CNTNAP2: variants seen among roughly 807,000 people sequenced by gnomAD.
The protein encoded by CNTNAP2 is contactin associated protein 2.
In CNTNAP2, 98 loss-of-function variants were observed where a neutral mutation model predicts 155.2. That is an observed-to-expected ratio of 0.63 (90% CI 0.54 to 0.75). The LOEUF is 0.75. Ranked by LOEUF, CNTNAP2 falls within the 30% of genes least tolerant of loss-of-function variation. CNTNAP2 has a pLI of 0.00. For missense variants in CNTNAP2, 1,727 were observed against 1,688.1 expected, an observed-to-expected ratio of 1.02 and a Z score of -0.40; for synonymous variants, 651 against 631.2, an observed-to-expected ratio of 1.03 and a Z score of -0.47.
At chr7:148,065,970 T>G (rs1452659014) in intron 15 of CNTNAP2, among the ~76,000 whole-genome samples, 1 of 152,238 alleles carries the variant, frequency 6.6e-6, no homozygotes, top group Non-Finnish European at 1.5e-5. Flanking sequence ...ATTCTTGTAG[T>G]GCTGGCTTTG....
chr7:146,922,861 A>T (rs1796532685), intron 3 of CNTNAP2, among the ~76,000 whole-genome samples: 2 of 152,212 alleles, frequency 1.3e-5, no homozygotes, highest in South Asian at 4.1e-4. Flanking sequence ...ATTAAAATAT[A>T]TCTAATATTT....
At chr7:146,521,659 T>A (rs1797618647) in intron 1 of CNTNAP2, among the ~76,000 whole-genome samples, 1 of 151,998 alleles carries the variant, frequency 6.6e-6, no homozygotes, top group African/African-American at 2.4e-5. Context: ...ATCAGACCTT[T>A]TTGAAGCATT....
At chr7:147,888,302 T>C (rs1245802456) in intron 13 of CNTNAP2, among the ~76,000 whole-genome samples, 2 of 152,046 alleles carry the variant, frequency 1.3e-5, no homozygotes, top group Non-Finnish European at 2.9e-5. Context: ...AAAAACATAA[T>C]AGATAAAATT....
chr7:147,450,137 G>A (rs1797806142), intron 10 of CNTNAP2, among the ~76,000 whole-genome samples: 1 of 152,190 alleles, frequency 6.6e-6, no homozygotes, highest in Non-Finnish European at 1.5e-5. Flanking sequence ...TCAGCCGAAT[G>A]TAATCACATC....
intron 6 of CNTNAP2, among the ~76,000 whole-genome samples, chr7:147,126,388 C>T (rs989971175): frequency 6.6e-6 from 1 of 152,088 alleles, no homozygotes; most frequent in Non-Finnish European, 1.5e-5. Context: ...ACAACTGCAA[C>T]AATATTTGTT....
chr7:147,590,630 G>A (rs2116843069), intron 12 of CNTNAP2, among the ~76,000 whole-genome samples: 1 of 152,206 alleles, frequency 6.6e-6, no homozygotes, highest in South Asian at 2.1e-4. Context: ...CAAATACTGA[G>A]GATTCTGTCC....
intron 15 of CNTNAP2, among the ~76,000 whole-genome samples, chr7:148,004,614 A>T (rs993595484): frequency 6.6e-6 from 1 of 152,170 alleles, no homozygotes; most frequent in Non-Finnish European, 1.5e-5. Context: ...GTAAGTTCTC[A>T]TAAGACAACA....
intron 23 of CNTNAP2, among the ~76,000 whole-genome samples, chr7:148,414,560 C>T (rs979600464): frequency 6.1e-5 from 6 of 97,722 alleles, no homozygotes; most frequent in African/African-American, 2.6e-4. Context: ...CTCATCTGCT[C>T]ATTCCATGCT....
At chr7:147,850,681 C>T (rs1798919426) in intron 13 of CNTNAP2, among the ~76,000 whole-genome samples, 1 of 152,194 alleles carries the variant, frequency 6.6e-6, no homozygotes, top group Admixed American at 6.5e-5. Flanking sequence ...AAAAGATTCC[C>T]TGTTTAATAA....
intron 3 of CNTNAP2, among the ~76,000 whole-genome samples, chr7:146,840,325 A>G (rs541609604): frequency 6.6e-6 from 1 of 152,348 alleles, no homozygotes; most frequent in South Asian, 2.1e-4. Flanking sequence ...GAACTTGTCC[A>G]TTTTATAATA....
rs1795737564 is a variant in CNTNAP2 at position 146,403,060 on chromosome 7, A to T, written c.97+286087A>T. 1.3e-5 allele frequency among the ~76,000 whole-genome samples: 2 copies of T among 152,260 alleles called. 1 individual carries two copies. The highest frequency in any genetic ancestry group is 4.8e-5 in the African/African-American group (2 of 41,578). ...GAAGTTATTCATACAAAATGTTGAG[A>T]TTTTAATGAATTCTAATTGATACTC... On this transcript the variant is annotated intron_variant, in intron 1 of 23. Transcript: ENST00000361727.
At chr7:148,069,014 C>G (rs930117002) in intron 15 of CNTNAP2, among the ~76,000 whole-genome samples, 2 of 152,212 alleles carry the variant, frequency 1.3e-5, no homozygotes, top group Non-Finnish European at 2.9e-5. Context: ...AGTTTCCCTT[C>G]CCTGCACTGA....
Position 147,224,027 on chromosome 7 carries a change from C to T in CNTNAP2, c.1349-76114C>T, listed in dbSNP as rs114475482. Among the ~76,000 whole-genome samples the T allele has an allele frequency of 3.6e-3, 362 of 101,648 alleles. 2 individuals carry two copies. Among genetic ancestry groups the T allele is most frequent in the African/African-American group, 0.016 (351 of 21,370 alleles). 66.7% of individuals were successfully genotyped at this position (101,648 alleles called of 152,430 possible). A position where few individuals can be genotyped will look rare whatever the true frequency, so the allele number is the denominator to read the frequency against. On this transcript the variant is annotated intron_variant, in intron 8 of 23. Transcript: ENST00000361727. ...AGAAATCAAAGAGAGTTGGGTTGGC[C>T]CAAGGCCACCTGGAGAACTGTCAGC... is the stretch of plus-strand genomic sequence containing the variant.
intron 10 of CNTNAP2, among the ~76,000 whole-genome samples, chr7:147,397,688 C>A (rs985266194): frequency 2.0e-5 from 3 of 151,784 alleles, no homozygotes; most frequent in Non-Finnish European, 4.4e-5. Flanking sequence ...AGGTGATACT[C>A]CTGGTGGGGA....
chr7:146,677,280 T>C (rs576427468), intron 1 of CNTNAP2, among the ~76,000 whole-genome samples: 1 of 152,260 alleles, frequency 6.6e-6, no homozygotes, highest in South Asian at 2.1e-4. Flanking sequence ...GGTTATTATC[T>C]AAAGACCTGG....
At chr7:147,059,238 A>G (rs1044908203) in intron 4 of CNTNAP2, among the ~76,000 whole-genome samples, 2 of 152,196 alleles carry the variant, frequency 1.3e-5, no homozygotes, top group Non-Finnish European at 2.9e-5. Context: ...TGTTCTATTG[A>G]AAGTTCAAAC....
chr7:146,453,666 C>G (rs1280874531), intron 1 of CNTNAP2, among the ~76,000 whole-genome samples: 1 of 152,044 alleles, frequency 6.6e-6, no homozygotes, highest in African/African-American at 2.4e-5. Context: ...TTTTGTTTTA[C>G]TATTGTATCC....
intron 12 of CNTNAP2, among the ~76,000 whole-genome samples, chr7:147,609,345 C>T (rs1801136620): frequency 2.0e-5 from 3 of 152,104 alleles, no homozygotes; most frequent in Admixed American, 2.0e-4. Flanking sequence ...TCCTGGCTAA[C>T]ATGGTGAAAC....
chr7:146,942,247 A>C (rs1021026585), intron 3 of CNTNAP2, among the ~76,000 whole-genome samples: 1 of 152,138 alleles, frequency 6.6e-6, no homozygotes, highest in Admixed American at 6.5e-5. Context: ...CTACATAACT[A>C]AACTATCAGT....
Sources: gnomAD v4.1 joint callset for allele counts (sites outside exome capture counted in the v4.1 genomes callset) on GRCh38, gnomAD v4.1.1 for gene constraint, MANE v1.5 for transcripts, NCBI Gene and HGNC (gene_info 2026-07-23, HGNC 2026-07-21) for gene names.